Variants in IL33 observed in about 807,000 individuals in gnomAD.
IL33 encodes interleukin 33.
IL33 carries 37 observed loss-of-function variants against 27.3 expected under a neutral mutation model. The ratio of observed to expected loss-of-function variants is 1.36; its 90% CI spans 1.04 to 1.78. IL33 has a LOEUF of 1.78. IL33 is among the 40% of genes most tolerant of loss of function. The pLI, the probability that IL33 is intolerant of heterozygous loss-of-function variation, is 0.00. For synonymous variants in IL33, 132 were observed against 102.9 expected, an observed-to-expected ratio of 1.28 and a Z score of -1.71; for missense variants, 406 against 311.4, an observed-to-expected ratio of 1.30 and a Z score of -2.29.
intron 1 of IL33, among the ~76,000 whole-genome samples, chr9:6,236,830 C>T (rs112935616): frequency 0.15 from 23,316 of 152,212 alleles, 2,388 homozygotes; most frequent in Non-Finnish European, 0.22. Context: ...GAGATCGTGC[C>T]ACTGCACTCC....
At chr9:6,255,598 T>C (rs929894647) in intron 7 of IL33, among the ~76,000 whole-genome samples, 1 of 152,130 alleles carries the variant, frequency 6.6e-6, no homozygotes, top group East Asian at 1.9e-4. Context: ...ATTTTGAGGA[T>C]TGACTGATCT....
chr9:6,244,592 G>T (rs919993049), intron 2 of IL33, among the ~76,000 whole-genome samples: 12 of 152,238 alleles, frequency 7.9e-5, no homozygotes, highest in African/African-American at 2.9e-4. Flanking sequence ...GTATTTCACT[G>T]TGGGTAACTG....
At chr9:6,218,059 A>G (rs1373099107) in intron 1 of IL33, among the ~76,000 whole-genome samples, 1 of 152,212 alleles carries the variant, frequency 6.6e-6, no homozygotes, top group Non-Finnish European at 1.5e-5. Context: ...AGAAAACTTC[A>G]GAATCCTCTA....
At chr9:6,243,645 G>A (rs73398539) in intron 2 of IL33, among the ~76,000 whole-genome samples, 7,746 of 152,202 alleles carry the variant, frequency 0.051, 318 homozygotes, top group African/African-American at 0.1. Flanking sequence ...ATGAACCACC[G>A]CACTTGGCCA....
intron 1 of IL33, among the ~76,000 whole-genome samples, chr9:6,217,212 G>A (rs1286543707): frequency 2.0e-5 from 3 of 152,112 alleles, no homozygotes; most frequent in Non-Finnish European, 4.4e-5. Flanking sequence ...GTCAATCTTA[G>A]CTTATACAAT....
chr9:6,255,947 C>T, intron 7 of IL33, 21 bp from the exon 8 acceptor site: 3 of 1,605,838 alleles, frequency 1.9e-6, no homozygotes, highest in Non-Finnish European at 2.6e-6. Flanking sequence ...ATATGGATTG[C>T]TTTCTCTCTT....
Position 6,252,930 on chromosome 9 carries a change from T to C in IL33, c.408T>C (p.Phe136=). The C allele has an allele frequency of 1.2e-6, 2 of 1,602,672 alleles. No homozygotes were observed. Among genetic ancestry groups the C allele is most frequent in the South Asian group, 2.2e-5 (2 of 90,132 alleles). ...LSTYNDQSIT[F]ALEDESYEIY... is the part of the protein sequence containing the mutation. ...CATACAATGATCAATCCATTACTTTTGCTTTGGAGGATGAAAGTTATGAGA... is the reference window on the plus strand; with the variant it reads ...CATACAATGATCAATCCATTACTTTCGCTTTGGAGGATGAAAGTTATGAGA... The change falls in exon 5 of 8, where the codon TTT becomes TTC. Residue 136 remains phenylalanine, a synonymous_variant. Coordinates refer to ENST00000682010, the MANE Select transcript of IL33 (RefSeq NM_033439.4).
Position 6,254,566 on chromosome 9 carries a change from A to T in IL33, c.612+13A>T. The T allele has an allele frequency of 6.8e-7, 1 of 1,460,984 alleles. No individual in the cohort carries two copies. Among genetic ancestry groups the T allele is most frequent in the Non-Finnish European group, 9.3e-7 (1 of 1,077,152 alleles). 90.5% of individuals were successfully genotyped at this position (1,460,984 alleles called of 1,614,324 possible). A position where few individuals can be genotyped will look rare whatever the true frequency, so the allele number is the denominator to read the frequency against. On this transcript the variant is annotated intron_variant, in intron 7 of 7. Coordinates refer to ENST00000682010, the MANE Select transcript of IL33 (RefSeq NM_033439.4). ...ACACTCTGTGGAGGTAAAAAAAAAA[A>T]ATTTATCTATATCTATATATATGAT...
rs779013655 is a variant in IL33, at chr9:6,250,554, T to G, written c.172T>G (p.Cys58Gly). The change falls in exon 3 of 8, where the codon TGT (cysteine) becomes GGT (glycine). Residue 58 changes from cysteine to glycine, a missense_variant. Transcript: ENST00000682010. ...TGGCCTTATGATAAAAAAGGAGGCC[T>G]GTTACTTTAGGAGAGAAACCACCAA... Reference protein sequence around the residue: ...RSGLMIKKEACYFRRETTKRP... With the variant: ...RSGLMIKKEAGYFRRETTKRP... 2.5e-6 allele frequency: 4 copies of G among 1,614,016 alleles called. No homozygotes were observed. In the South Asian group the frequency reaches 3.3e-5, roughly 13 times the overall value.
At chr9:6,252,068 C>CAAAA (rs1564073279) in intron 4 of IL33, among the ~76,000 whole-genome samples, 2 of 74,882 alleles carry the variant, frequency 2.7e-5, no homozygotes, top group Non-Finnish European at 5.2e-5. Flanking sequence ...AAAAAAAACC[C>CAAAA]AACAAAAAAC....
intron 4 of IL33, among the ~76,000 whole-genome samples, 181 bp from the exon 5 acceptor site, chr9:6,252,685 C>T (rs1173270592): frequency 5.3e-5 from 8 of 152,198 alleles, no homozygotes; most frequent in African/African-American, 1.9e-4. Context: ...CACCTTTAAT[C>T]CCATTCAAGG....
At chr9:6,240,381 G>A (rs968843895) in intron 1 of IL33, among the ~76,000 whole-genome samples, 7 of 152,150 alleles carry the variant, frequency 4.6e-5, no homozygotes, top group African/African-American at 1.7e-4. Flanking sequence ...AAAGACTACA[G>A]TCAACTGGGA....
chr9:6,234,387 T>C (rs546723819), intron 1 of IL33, among the ~76,000 whole-genome samples: 1 of 152,290 alleles, frequency 6.6e-6, no homozygotes, highest in South Asian at 2.1e-4. Flanking sequence ...AGTTTCCTAT[T>C]ATTAACCACT....
intron 1 of IL33, among the ~76,000 whole-genome samples, chr9:6,224,916 T>C (rs1818563956): frequency 1.3e-5 from 2 of 152,182 alleles, no homozygotes; most frequent in African/African-American, 2.4e-5. Context: ...GTGAATTTAT[T>C]TGATCTACTG....
chr9:6,234,981 G>A (rs1819113589), intron 1 of IL33, among the ~76,000 whole-genome samples: 1 of 152,126 alleles, frequency 6.6e-6, no homozygotes, highest in Non-Finnish European at 1.5e-5. Flanking sequence ...AATTTCAAAT[G>A]TAGTTGTGGT....
At chr9:6,255,919 T>C in intron 7 of IL33, 49 bp from the exon 8 acceptor site, 1 of 1,492,904 alleles carries the variant, frequency 6.7e-7, no homozygotes, top group South Asian at 1.1e-5. Flanking sequence ...TAAAGTTGAC[T>C]CTGAACTTCC....
chr9:6,251,084 G>C (rs1385319592), intron 3 of IL33, 56 bp from the exon 4 acceptor site: 2 of 1,586,582 alleles, frequency 1.3e-6, no homozygotes, highest in Non-Finnish European at 1.7e-6. Context: ...TCCTCAAAGG[G>C]GCATTTGTGC....
chr9:6,253,315 T>G (rs1165248791), intron 5 of IL33, among the ~76,000 whole-genome samples: 4 of 152,336 alleles, frequency 2.6e-5, no homozygotes. Context: ...ATCACCAAAG[T>G]ACAACCTTTA....
At chr9:6,244,323 T>C (rs1819699769) in intron 2 of IL33, among the ~76,000 whole-genome samples, 1 of 152,212 alleles carries the variant, frequency 6.6e-6, no homozygotes, top group Non-Finnish European at 1.5e-5. Context: ...TAATATTGGC[T>C]CAGTTAAATA....
Sources: allele counts gnomAD v4.1 joint callset (sites outside exome capture counted in the v4.1 genomes callset), GRCh38; gene constraint gnomAD v4.1.1; transcripts MANE v1.5; gene names NCBI Gene and HGNC (gene_info 2026-07-23, HGNC 2026-07-21).